Variants in ADGRL3 observed in about 807,000 individuals in gnomAD.
ADGRL3 encodes calcium-independent alpha-latrotoxin receptor 3.
In ADGRL3, 62 loss-of-function variants were observed where a neutral mutation model predicts 153.5. The ratio of observed to expected loss-of-function variants is 0.40; its 90% CI spans 0.33 to 0.50. The LOEUF is 0.50. ADGRL3 is among the 20% of genes least tolerant of loss of function. The pLI is 0.47. For missense variants in ADGRL3, 1,641 were observed against 1,859.4 expected, an observed-to-expected ratio of 0.88 and a Z score of 2.16; for synonymous variants, 710 against 672.5, an observed-to-expected ratio of 1.06 and a Z score of -0.86.
At chr4:62,008,441 T>A (rs2099169310) in intron 21 of ADGRL3, among the ~76,000 whole-genome samples, 1 of 152,154 alleles carries the variant, frequency 6.6e-6, no homozygotes. Context: ...AATACCATTA[T>A]TTCTTTATGT....
rs572351487 is a variant in ADGRL3 at position 61,325,681 on chromosome 4, A to G, written c.-239-57443A>G. 1.9e-3 allele frequency among the ~76,000 whole-genome samples: 285 copies of G among 152,282 alleles called. 3 individuals carry two copies. The highest frequency in any genetic ancestry group is 6.5e-3 in the African/African-American group (270 of 41,580). On this transcript the variant is annotated intron_variant, in intron 1 of 26. Transcript: ENST00000683033. ...TTATTTTATTTTTTTCTAACATGAT[A>G]AGTCTTTGTTATCTTTCCTGCTAAT... is the stretch of plus-strand genomic sequence containing the variant.
At chr4:61,542,620 C>T (rs755880653) in intron 4 of ADGRL3, among the ~76,000 whole-genome samples, 7 of 151,910 alleles carry the variant, frequency 4.6e-5, no homozygotes, top group Non-Finnish European at 7.4e-5. Flanking sequence ...TTGAGAATAT[C>T]AGACCCTTTG....
chr4:61,462,624 G>C (rs2097836262), intron 2 of ADGRL3, among the ~76,000 whole-genome samples: 1 of 152,064 alleles, frequency 6.6e-6, no homozygotes, highest in Non-Finnish European at 1.5e-5. Flanking sequence ...TTATCTAAGT[G>C]TCAGTTAACA....
intron 5 of ADGRL3, among the ~76,000 whole-genome samples, chr4:61,669,478 G>T (rs2094918476): frequency 6.6e-6 from 1 of 152,106 alleles, no homozygotes; most frequent in Non-Finnish European, 1.5e-5. Context: ...TCCATCCTGA[G>T]AACTAAAAAC....
At chr4:61,374,653 G>A (rs1315720465) in intron 1 of ADGRL3, among the ~76,000 whole-genome samples, 1 of 152,054 alleles carries the variant, frequency 6.6e-6, no homozygotes, top group African/African-American at 2.4e-5. Flanking sequence ...AAAGCAGAAT[G>A]GCAATGCAAT....
intron 8 of ADGRL3, among the ~76,000 whole-genome samples, chr4:61,759,890 A>G (rs9762466): frequency 0.087 from 13,262 of 152,192 alleles, 1,236 homozygotes; most frequent in African/African-American, 0.23. Context: ...CCTCTTAACC[A>G]TCAGGACCCT....
intron 13 of ADGRL3, among the ~76,000 whole-genome samples, chr4:61,915,266 A>G (rs992625155): frequency 7.4e-5 from 11 of 148,414 alleles, no homozygotes; most frequent in African/African-American, 2.7e-4. Context: ...ATACATATAT[A>G]TCTGTATATA....
At chr4:61,780,549 CAAAAAT>C (rs1580793365) in intron 8 of ADGRL3, among the ~76,000 whole-genome samples, 2 of 152,166 alleles carry the variant, frequency 1.3e-5, no homozygotes, top group African/African-American at 4.8e-5. Context: ...GTTTCATACT[CAAAAAT>C]AGGAACAGGT....
chr4:61,470,266 A>C (rs926531172), intron 2 of ADGRL3, among the ~76,000 whole-genome samples: 1 of 151,986 alleles, frequency 6.6e-6, no homozygotes, highest in Non-Finnish European at 1.5e-5. Flanking sequence ...GCATCTAGGG[A>C]AGGGCATTCA....
intron 8 of ADGRL3, among the ~76,000 whole-genome samples, chr4:61,752,717 G>A (rs1184004681): frequency 6.6e-6 from 1 of 152,158 alleles, no homozygotes; most frequent in Non-Finnish European, 1.5e-5. Flanking sequence ...TGGATTGCTT[G>A]AGCCCAGGAG....
At chr4:61,777,408 A>G (rs1466799101) in intron 8 of ADGRL3, among the ~76,000 whole-genome samples, 2 of 152,176 alleles carry the variant, frequency 1.3e-5, no homozygotes, top group Non-Finnish European at 2.9e-5. Context: ...TTTATGTAGT[A>G]CATGCTTTTA....
chr4:61,220,827 G>A (rs767835736), intron 1 of ADGRL3, among the ~76,000 whole-genome samples: 2 of 152,142 alleles, frequency 1.3e-5, no homozygotes, highest in African/African-American at 2.4e-5. Flanking sequence ...ACAAATGGAA[G>A]CCTGAATACT....
chr4:61,972,875 A>G (rs116617602), intron 17 of ADGRL3, among the ~76,000 whole-genome samples: 2,823 of 152,194 alleles, frequency 0.019, 98 homozygotes, highest in African/African-American at 0.065. Flanking sequence ...GCTCAACATT[A>G]AAATAATGCA....
intron 8 of ADGRL3, among the ~76,000 whole-genome samples, chr4:61,781,289 G>A (rs550392622): frequency 7.0e-6 from 1 of 143,186 alleles, no homozygotes; most frequent in Non-Finnish European, 1.5e-5. Context: ...TCGTGCCATT[G>A]CACTCCAGCC....
At chr4:62,008,473 G>T (rs9995919) in intron 21 of ADGRL3, among the ~76,000 whole-genome samples, 134,785 of 152,042 alleles carry the variant, frequency 0.89, 60,458 homozygotes, top group South Asian at 0.95. Flanking sequence ...GACTGAGACC[G>T]GCTAACCTAT....
At position 61,757,503 on chromosome 4, in the gene ADGRL3, C is replaced by T. The variant is rs1182089106; in HGVS notation, c.1399+23949C>T. On this transcript the variant is annotated intron_variant, in intron 8 of 26. Coordinates refer to ENST00000683033, the MANE Select transcript of ADGRL3 (RefSeq NM_001387552.1). ...ATTTTTTTATTGCATCTATTTTATT[C>T]GTCTCTCTTTTCTTCTATTAGTCTT... is the stretch of plus-strand genomic sequence containing the variant. 9.3e-5 allele frequency among the ~76,000 whole-genome samples: 14 copies of T among 151,226 alleles called. No homozygotes were observed. The South Asian group carries it at 1.5e-3, about 16-fold the overall frequency.
chr4:61,570,472 C>T (rs2098834050), intron 4 of ADGRL3, among the ~76,000 whole-genome samples: 1 of 152,102 alleles, frequency 6.6e-6, no homozygotes, highest in African/African-American at 2.4e-5. Flanking sequence ...CTCTCAAATT[C>T]ATCTTGCTTG....
At chr4:61,339,809 G>A (rs551484764) in intron 1 of ADGRL3, among the ~76,000 whole-genome samples, 3 of 152,232 alleles carry the variant, frequency 2.0e-5, no homozygotes, top group African/African-American at 7.2e-5. Flanking sequence ...TGGTGATGGA[G>A]CCCAAGGGTA....
At chr4:61,766,707 T>C (rs970719907) in intron 8 of ADGRL3, among the ~76,000 whole-genome samples, 14 of 151,716 alleles carry the variant, frequency 9.2e-5, no homozygotes, top group African/African-American at 3.4e-4. Flanking sequence ...GCTTGATGGG[T>C]GTCAGGGTCA....
Sources: gnomAD v4.1 joint callset for allele counts (sites outside exome capture counted in the v4.1 genomes callset) on GRCh38, gnomAD v4.1.1 for gene constraint, MANE v1.5 for transcripts, NCBI Gene and HGNC (gene_info 2026-07-23, HGNC 2026-07-21) for gene names.